Variants in PDE4D observed in about 807,000 individuals in gnomAD.
PDE4D encodes the protein 3',5'-cyclic-AMP phosphodiesterase 4D.
Under a neutral mutation model 87.4 loss-of-function variants are expected in PDE4D, and 24 were observed. The observed-to-expected ratio is 0.27, with a 90% CI of 0.20 to 0.39. The LOEUF (loss-of-function observed/expected upper bound fraction) is 0.39, where lower values mean the gene tolerates loss of function less well. Among genes scored for constraint, PDE4D ranks in the 10% least tolerant of loss-of-function variants. The pLI is 1.00. For missense variants in PDE4D, 714 were observed against 1,041.0 expected (o/e 0.69, Z 4.32); for synonymous variants, 384 against 383.2 (o/e 1.00, Z -0.02).
At chr5:59,208,411 A>G (rs1470030702) in intron 2 of PDE4D, among the ~76,000 whole-genome samples, 1 of 152,226 alleles carries the variant, frequency 6.6e-6, no homozygotes, top group Non-Finnish European at 1.5e-5. Flanking sequence ...ACTTCAGTAT[A>G]TATCTATTAC....
At chr5:60,149,618 C>T (rs1289069333) in intron 2 of PDE4D, among the ~76,000 whole-genome samples, 1 of 151,984 alleles carries the variant, frequency 6.6e-6, no homozygotes, top group South Asian at 2.1e-4. Context: ...GTTCCCCAAA[C>T]ATGACCTTCC....
In PDE4D at chr5:60,240,212, T is replaced by C. The variant is rs559265590; in HGVS notation, c.-89-54525A>G. On this transcript the variant is annotated intron_variant, in intron 1 of 16. Coordinates refer to the PDE4D transcript ENST00000502484. ...TGGATGCTGATCTTATTATTAATAA[T>C]ATTTACTCCTTTGGGAGCAAGATGG... Among the ~76,000 whole-genome samples, 50 of 152,240 alleles carry C rather than the reference T, an allele frequency of 3.3e-4. No homozygotes were observed. The South Asian group carries it at 9.7e-3, about 30-fold the overall frequency.
chr5:60,025,071 C>T (rs1195519849), intron 2 of PDE4D, among the ~76,000 whole-genome samples: 1 of 151,970 alleles, frequency 6.6e-6, no homozygotes, highest in African/African-American at 2.4e-5. Context: ...TGTATTTTTA[C>T]AGGACAAAGC....
intron 2 of PDE4D, among the ~76,000 whole-genome samples, chr5:60,169,790 G>C (rs868028544): frequency 2.0e-5 from 3 of 151,928 alleles, no homozygotes; most frequent in South Asian, 4.1e-4. Context: ...CTTTATTACT[G>C]CAGAGACAGA....
chr5:59,053,633 GTTTTGTT>G lies in PDE4D; in HGVS notation c.809-14669_809-14663del, dbSNP rs1430613857. ...TGAATTAAGTTTTATGAATTAAGTT[GTTTTGTT>G]TTTTGTTTTTTTTTGTTGTTGTTTT... is the stretch of plus-strand genomic sequence containing the variant. On this transcript the variant is annotated intron_variant, in intron 5 of 14. Coordinates refer to ENST00000340635, the MANE Select transcript of PDE4D (RefSeq NM_001104631.2). Among the ~76,000 whole-genome samples the G allele has an allele frequency of 3.2e-5, 3 of 93,876 alleles. 1 individual carries two copies. The highest frequency in any genetic ancestry group is 6.2e-4 in the East Asian group (1 of 1,618). The allele number at this position is 93,876 out of a possible 152,430, so 61.6% of individuals were successfully genotyped here.
intron 1 of PDE4D, among the ~76,000 whole-genome samples, chr5:60,449,489 G>C (rs1745918033): frequency 8.6e-6 from 1 of 115,696 alleles, no homozygotes; most frequent in African/African-American, 3.3e-5. Context: ...TCTGGGGACT[G>C]TTGTGGGGTG....
At chr5:60,414,949 A>C (rs1299094435) in intron 1 of PDE4D, among the ~76,000 whole-genome samples, 2 of 152,244 alleles carry the variant, frequency 1.3e-5, no homozygotes, top group Admixed American at 6.5e-5. Context: ...AAGAAGGGAA[A>C]TGAAATTTGA....
intron 1 of PDE4D, among the ~76,000 whole-genome samples, chr5:60,384,392 T>C (rs1242232029): frequency 2.0e-5 from 3 of 152,230 alleles, no homozygotes; most frequent in Admixed American, 6.5e-5. Flanking sequence ...ATGTCTTAAG[T>C]GGAGGTAATC....
intron 1 of PDE4D, among the ~76,000 whole-genome samples, chr5:59,783,149 T>C (rs1764795279): frequency 6.6e-6 from 1 of 152,200 alleles, no homozygotes; most frequent in South Asian, 2.1e-4. Flanking sequence ...AAGGCCTGGT[T>C]TTGGTATTCT....
intron 5 of PDE4D, among the ~76,000 whole-genome samples, chr5:59,167,716 TCTGTTTTC>T (rs1256605888): frequency 5.3e-5 from 8 of 152,196 alleles, no homozygotes; most frequent in Non-Finnish European, 1.2e-4. Flanking sequence ...TTATAAGCCC[TCTGTTTTC>T]TATTAACTTA....
intron 1 of PDE4D, among the ~76,000 whole-genome samples, chr5:60,314,847 T>C (rs1335832521): frequency 6.6e-6 from 1 of 152,180 alleles, no homozygotes; most frequent in Non-Finnish European, 1.5e-5. Context: ...TAGAATTCCA[T>C]GGTGTATATG....
At chr5:59,707,280 T>C (rs1753563243) in intron 1 of PDE4D, among the ~76,000 whole-genome samples, 1 of 152,112 alleles carries the variant, frequency 6.6e-6, no homozygotes, top group Admixed American at 6.6e-5. Flanking sequence ...GTGAATAAAT[T>C]CTTTAATGCA....
intron 1 of PDE4D, among the ~76,000 whole-genome samples, chr5:59,303,339 T>C (rs1770646164): frequency 6.6e-6 from 1 of 152,222 alleles, no homozygotes; most frequent in Non-Finnish European, 1.5e-5. Context: ...CTCTGTGGGT[T>C]GTCTGTTTAC....
chr5:59,599,272 A>C (rs569754703), intron 1 of PDE4D, among the ~76,000 whole-genome samples: 2 of 146,794 alleles, frequency 1.4e-5, no homozygotes, highest in African/African-American at 5.1e-5. Context: ...CCCAGGCTGG[A>C]GTGCAATGGC....
At chr5:60,303,799 T>A (rs1338317034) in intron 1 of PDE4D, among the ~76,000 whole-genome samples, 1 of 152,238 alleles carries the variant, frequency 6.6e-6, no homozygotes, top group African/African-American at 2.4e-5. Context: ...ACTGTAGATA[T>A]GTATCAGGTC....
intron 1 of PDE4D, among the ~76,000 whole-genome samples, chr5:60,462,444 A>AG (rs1399829262): frequency 6.6e-6 from 1 of 152,136 alleles, no homozygotes; most frequent in Non-Finnish European, 1.5e-5. Flanking sequence ...GTTGTGGAAT[A>AG]GGGGGGTCTT....
intron 1 of PDE4D, among the ~76,000 whole-genome samples, chr5:59,399,056 A>G (rs1263455059): frequency 8.0e-6 from 1 of 125,442 alleles, no homozygotes; most frequent in African/African-American, 3.1e-5. Context: ...GGAGAACTGC[A>G]AACCACTGCT....
At chr5:59,239,940 C>T (rs26694) in intron 1 of PDE4D, among the ~76,000 whole-genome samples, 31,068 of 152,122 alleles carry the variant, frequency 0.2, 3,500 homozygotes, top group Non-Finnish European at 0.25. Context: ...GTACATGCTC[C>T]GTAAATATGA....
chr5:59,484,133 A>G (rs1304330738), intron 1 of PDE4D, among the ~76,000 whole-genome samples: 1 of 152,152 alleles, frequency 6.6e-6, no homozygotes, highest in Non-Finnish European at 1.5e-5. Context: ...ACTACTGAGA[A>G]TCCCAACTAT....
Sources: gnomAD v4.1 joint callset for allele counts (sites outside exome capture counted in the v4.1 genomes callset) on GRCh38, gnomAD v4.1.1 for gene constraint, MANE v1.5 for transcripts, NCBI Gene and HGNC (gene_info 2026-07-23, HGNC 2026-07-21) for gene names.